The following SLC43A2 variants were observed in gnomAD, a reference collection of about 807,000 sequenced individuals.
SLC43A2 encodes the protein solute carrier family 43 member 2.
SLC43A2 carries 38 observed loss-of-function variants against 63.2 expected under a neutral mutation model. That is an observed-to-expected ratio of 0.60 (90% CI 0.46 to 0.79). SLC43A2 has a LOEUF of 0.79. SLC43A2 is among the 30% of genes least tolerant of loss of function. The probability of loss-of-function intolerance (pLI) is 0.00; values close to 1 mark genes in which losing one functional copy is unlikely to be tolerated. For synonymous variants in SLC43A2, 322 were observed against 331.0 expected (o/e 0.97, Z 0.30); for missense variants, 644 against 756.2 (o/e 0.85, Z 1.74).
At chr17:1,615,879 T>A (rs539874801) in intron 3 of SLC43A2, among the ~76,000 whole-genome samples, 5 of 68,982 alleles carry the variant, frequency 7.2e-5, no homozygotes, top group African/African-American at 1.2e-4. Flanking sequence ...TAAATAAATA[T>A]GAAAAATATA....
intron 2 of SLC43A2, among the ~76,000 whole-genome samples, chr17:1,625,809 A>C (rs984582122): frequency 1.3e-5 from 2 of 152,080 alleles, no homozygotes; most frequent in Admixed American, 1.3e-4. Context: ...CTGACCCTTC[A>C]CCTTCACTTT....
rs2075965361 is a variant in SLC43A2, at chr17:1,578,378, GC to G, written c.1351-56del. The G allele has an allele frequency of 1.9e-6, 3 of 1,551,374 alleles. No individual in the cohort carries two copies. The highest frequency in any genetic ancestry group is 1.1e-5 in the South Asian group (1 of 87,834). ...AAGGCCTTAAGGGACCGTCCCCTCA[GC>G]CCCCGCCCTCCAATTCCTGGGGGCC... On this transcript the variant is annotated intron_variant, in intron 11 of 13. Coordinates refer to ENST00000301335, the MANE Select transcript of SLC43A2 (RefSeq NM_152346.3). This position sits in a 1 kb window ranked among gnomAD's most constrained non-coding sequence, Gnocchi z 6.5.
Position 1,591,347 on chromosome 17 carries a change from G to A in SLC43A2, c.853C>T (p.Gln285Ter). The change falls in exon 8 of 14, where the codon CAG becomes TAG. Residue 285 changes from glutamine to a stop codon, truncating the protein, a stop_gained. Transcript: ENST00000301335. LOFTEE classifies it high-confidence loss of function. ...TTGTGGCCCTCCTGCAGCGCCACCT[G>A]CTCCTTGGCACTCCTCATGGAGCTG... The part of the protein sequence containing the change: ...VGSSMRSAKE[Q>*]VALQEGHKLC... 1 of 1,610,888 alleles carries A rather than the reference G, an allele frequency of 6.2e-7. No individual in the cohort carries two copies.
rs1906573097 is a variant in SLC43A2 at position 1,605,932 on chromosome 17, C to G, written c.501+7263G>C. ...CCGGCCGGGTCCAGTCCTGCCAATA[C>G]CGCTGCCCTTTCCGTCTGAACGTGG... is the stretch of plus-strand genomic sequence containing the variant. On this transcript the variant is annotated intron_variant, in intron 5 of 13. Transcript: ENST00000301335. This position sits in a 1 kb window ranked among gnomAD's most constrained non-coding sequence, Gnocchi z 4.9. 6.6e-6 allele frequency among the ~76,000 whole-genome samples: 1 copy of G among 152,222 alleles called. No homozygotes were observed. The highest frequency in any genetic ancestry group is 2.4e-5 in the African/African-American group (1 of 41,464).
intron 5 of SLC43A2, among the ~76,000 whole-genome samples, chr17:1,598,708 G>A (rs28588675): frequency 0.049 from 7,520 of 152,264 alleles, 556 homozygotes; most frequent in African/African-American, 0.15. Flanking sequence ...ACAGGGCCCT[G>A]GGGTGACCAT....
intron 2 of SLC43A2, among the ~76,000 whole-genome samples, chr17:1,626,104 C>G (rs1908640927): frequency 6.6e-6 from 1 of 151,162 alleles, no homozygotes; most frequent in Admixed American, 6.6e-5. Flanking sequence ...AAAACACCTG[C>G]CCACAACAGT....
At chr17:1,608,497 A>G (rs536311709) in intron 5 of SLC43A2, among the ~76,000 whole-genome samples, 1 of 151,954 alleles carries the variant, frequency 6.6e-6, no homozygotes, top group South Asian at 2.1e-4. Context: ...GGGTTCAAGC[A>G]ATTCTCCCAC....
chr17:1,586,695 A>C (rs113977670), intron 9 of SLC43A2, among the ~76,000 whole-genome samples: 2,385 of 152,190 alleles, frequency 0.016, 66 homozygotes, highest in African/African-American at 0.054. Context: ...TCCATCTCAA[A>C]AAAAAAAGAA....
At position 1,594,630 on chromosome 17, in the gene SLC43A2, C is replaced by T. The variant is rs577978824; in HGVS notation, c.502-1351G>A. 3.3e-4 allele frequency among the ~76,000 whole-genome samples: 45 copies of T among 138,366 alleles called. 1 individual carries two copies. The highest frequency in any genetic ancestry group is 9.6e-4 in the African/African-American group (36 of 37,650). 90.8% of individuals were successfully genotyped at this position (138,366 alleles called of 152,430 possible). A position where few individuals can be genotyped will look rare whatever the true frequency, so the allele number is the denominator to read the frequency against. Reference sequence around the variant, plus strand: ...TGAGACGGAGTCTCGCTCTTTCGCCCAGGCTGTACTGCAGTGGCTCTATCT... The same window carrying T: ...TGAGACGGAGTCTCGCTCTTTCGCCTAGGCTGTACTGCAGTGGCTCTATCT... On this transcript the variant is annotated intron_variant, in intron 5 of 13. Transcript: ENST00000301335.
chr17:1,610,013 G>A (rs1000150770), intron 5 of SLC43A2, among the ~76,000 whole-genome samples: 7 of 151,990 alleles, frequency 4.6e-5, no homozygotes, highest in African/African-American at 9.6e-5. Context: ...AGGTTCAAGC[G>A]ATTCTCCTGC....
At chr17:1,604,653 G>T in intron 5 of SLC43A2, 2 of 1,402,574 alleles carry the variant, frequency 1.4e-6, no homozygotes, top group East Asian at 2.5e-5. Flanking sequence ...AGACTACAGG[G>T]GGATACCACA....
At chr17:1,590,075 C>T (rs1163500569) in intron 9 of SLC43A2, among the ~76,000 whole-genome samples, 2 of 152,162 alleles carry the variant, frequency 1.3e-5, no homozygotes, top group Non-Finnish European at 2.9e-5. Context: ...AGGAAACCAT[C>T]GGAAAAAGTG....
intron 11 of SLC43A2, among the ~76,000 whole-genome samples, chr17:1,581,917 T>C (rs1256252179): frequency 2.0e-5 from 3 of 151,154 alleles, no homozygotes; most frequent in Non-Finnish European, 2.9e-5. Context: ...GCAATTCTCC[T>C]GCCTCAGCCC....
At chr17:1,603,992 T>C (rs1161998040) in intron 5 of SLC43A2, among the ~76,000 whole-genome samples, 1 of 152,166 alleles carries the variant, frequency 6.6e-6, no homozygotes, top group Non-Finnish European at 1.5e-5. Flanking sequence ...ACATGTGCCT[T>C]ATTAAGATCC....
intron 5 of SLC43A2, among the ~76,000 whole-genome samples, chr17:1,594,283 A>G (rs1905079314): frequency 6.6e-6 from 1 of 152,202 alleles, no homozygotes; most frequent in Admixed American, 6.6e-5. Context: ...TTCTGGGTAC[A>G]GGGCAAGAGG....
intron 2 of SLC43A2, 30 bp downstream of exon 2, chr17:1,627,685 G>GA: frequency 1.4e-6 from 2 of 1,390,770 alleles, no homozygotes; most frequent in South Asian, 1.5e-5. Context: ...AGCTCCAGGA[G>GA]CCCCCCGCAA....
rs1039369699 is a variant in SLC43A2, at chr17:1,573,420, C to A, written c.*2184G>T. On this transcript the variant is annotated 3_prime_UTR_variant, in exon 14 of 14. Transcript: ENST00000301335. ...TCTGATGGTTCGAGCCGTTCCTCGG[C>A]AGCACAGCACACCCGCTCCTGAGGA... 4 of 152,282 alleles carry A rather than the reference C, an allele frequency of 2.6e-5. No homozygotes were observed. Among genetic ancestry groups the A allele is most frequent in the African/African-American group, 9.6e-5 (4 of 41,462 alleles). 9.4% of individuals were successfully genotyped at this position (152,282 alleles called of 1,614,324 possible).
chr17:1,592,381 C>G (rs1447729094), intron 6 of SLC43A2, among the ~76,000 whole-genome samples: 1 of 152,216 alleles, frequency 6.6e-6, no homozygotes, highest in African/African-American at 2.4e-5. Flanking sequence ...GAGCCGAGAT[C>G]GTGCTGCTGC....
chr17:1,615,762 G>T (rs1006157032), intron 3 of SLC43A2, among the ~76,000 whole-genome samples: 1 of 149,272 alleles, frequency 6.7e-6, no homozygotes, highest in African/African-American at 2.5e-5. Context: ...AGAATAGCGT[G>T]AACCCGGGAG....
Sources: allele counts gnomAD v4.1 joint callset (sites outside exome capture counted in the v4.1 genomes callset), GRCh38; gene constraint gnomAD v4.1.1; non-coding constraint Gnocchi (gnomAD v3.1); transcripts MANE v1.5; gene names NCBI Gene and HGNC (gene_info 2026-07-23, HGNC 2026-07-21).